FAM13C: variants seen among roughly 807,000 people sequenced by gnomAD.
FAM13C encodes the protein family with sequence similarity 13 member C.
Under a neutral mutation model 73.2 loss-of-function variants are expected in FAM13C, and 37 were observed. That is an observed-to-expected ratio of 0.51 (90% CI 0.39 to 0.67). The LOEUF is 0.67. Ranked by LOEUF, FAM13C falls within the 30% of genes least tolerant of loss-of-function variation. The pLI is 0.00. For synonymous variants in FAM13C, 246 were observed against 260.9 expected, an observed-to-expected ratio of 0.94 and a Z score of 0.55; for missense variants, 589 against 715.6, an observed-to-expected ratio of 0.82 and a Z score of 2.02.
chr10:59,291,955 A>T (rs2133782406), intron 5 of FAM13C, among the ~76,000 whole-genome samples: 1 of 151,876 alleles, frequency 6.6e-6, no homozygotes, highest in Non-Finnish European at 1.5e-5. Flanking sequence ...CGCCTGGCGA[A>T]TTTTTTATAT....
intron 4 of FAM13C, among the ~76,000 whole-genome samples, chr10:59,319,027 T>G (rs1212499249): frequency 2.0e-5 from 3 of 151,004 alleles, no homozygotes; most frequent in Non-Finnish European, 4.4e-5. Flanking sequence ...AAGACTCTGC[T>G]TACGTCTATG....
At chr10:59,342,489 C>T (rs1589688762) in intron 3 of FAM13C, among the ~76,000 whole-genome samples, 2 of 152,140 alleles carry the variant, frequency 1.3e-5, no homozygotes, top group Admixed American at 6.5e-5. Context: ...CCAGAGTTAG[C>T]AGATAAAAAC....
chr10:59,295,217 T>C (rs1846756521), intron 5 of FAM13C, among the ~76,000 whole-genome samples: 2 of 152,220 alleles, frequency 1.3e-5, no homozygotes, highest in Admixed American at 1.3e-4. Context: ...TATGAAGAGA[T>C]TTGCAAATGT....
At chr10:59,260,894 T>C (rs1842438861) in intron 10 of FAM13C, among the ~76,000 whole-genome samples, 1 of 152,214 alleles carries the variant, frequency 6.6e-6, no homozygotes, top group Non-Finnish European at 1.5e-5. Flanking sequence ...ATTTTACAGA[T>C]GAGGAAGTTG....
chr10:59,266,967 G>A (rs528150986), intron 8 of FAM13C, among the ~76,000 whole-genome samples: 1 of 152,180 alleles, frequency 6.6e-6, no homozygotes, highest in African/African-American at 2.4e-5. Context: ...TAAGCATTAT[G>A]TATGTACTTC....
chr10:59,352,788 C>G (rs752031928), intron 2 of FAM13C, among the ~76,000 whole-genome samples: 7 of 152,174 alleles, frequency 4.6e-5, no homozygotes, highest in Non-Finnish European at 1.0e-4. Context: ...ATTTCCCTCT[C>G]ACAACAGTAA....
chr10:59,361,552 A>T (rs1380407452), intron 1 of FAM13C, among the ~76,000 whole-genome samples: 5 of 152,136 alleles, frequency 3.3e-5, no homozygotes, highest in Admixed American at 3.3e-4. Flanking sequence ...AAGGTCCCAG[A>T]AGTAAACATC....
At chr10:59,307,280 AT>A (rs1183089804) in intron 4 of FAM13C, among the ~76,000 whole-genome samples, 2 of 152,134 alleles carry the variant, frequency 1.3e-5, no homozygotes, top group African/African-American at 4.8e-5. Flanking sequence ...AGATAAGGTC[AT>A]GTGGGCAGAT....
intron 3 of FAM13C, among the ~76,000 whole-genome samples, chr10:59,333,008 T>TTTATTTAC (rs57556314): frequency 0.35 from 53,256 of 151,462 alleles, 9,658 homozygotes; most frequent in East Asian, 0.46. Context: ...TATTTATTTA[T>TTTATTTAC]TCATTTATTG....
chr10:59,264,842 G>A (rs1213742743), intron 8 of FAM13C, among the ~76,000 whole-genome samples: 1 of 152,052 alleles, frequency 6.6e-6, no homozygotes, highest in African/African-American at 2.4e-5. Context: ...TCTTAAACAA[G>A]TCAAGGCTAC....
At chr10:59,315,519 T>C (rs938883268) in intron 4 of FAM13C, among the ~76,000 whole-genome samples, 2 of 152,096 alleles carry the variant, frequency 1.3e-5, no homozygotes, top group African/African-American at 4.8e-5. Context: ...CTGGGGGCTA[T>C]TTGTGATTAT....
chr10:59,352,492 C>A lies in FAM13C; in HGVS notation c.120-18G>T. On this transcript the variant is annotated intron_variant, in intron 2 of 13. Transcript: ENST00000618804. ...TTTCATCTCTAAAACAGGAAAGACC[C>A]AATTTAGAAAGTACCTTAAAAAAAG... The A allele has an allele frequency of 6.3e-7, 1 of 1,577,082 alleles. No individual in the cohort carries two copies. Among genetic ancestry groups the A allele is most frequent in the East Asian group, 2.3e-5 (1 of 44,156 alleles).
chr10:59,334,288 A>G (rs1434291657), intron 3 of FAM13C, among the ~76,000 whole-genome samples: 1 of 152,200 alleles, frequency 6.6e-6, no homozygotes, highest in Non-Finnish European at 1.5e-5. Context: ...GCAAATCCTG[A>G]CAAGAAAATT....
chr10:59,274,558 C>A (rs989078610), intron 6 of FAM13C, among the ~76,000 whole-genome samples: 5 of 152,250 alleles, frequency 3.3e-5, no homozygotes, highest in Admixed American at 1.3e-4. Context: ...AAATTTGTCA[C>A]CCTGAAAACA....
chr10:59,309,921 T>C (rs1180896424), intron 4 of FAM13C, among the ~76,000 whole-genome samples: 1 of 152,074 alleles, frequency 6.6e-6, no homozygotes, highest in Admixed American at 6.5e-5. Context: ...GTGTGTAAAG[T>C]AATGATAACT....
At chr10:59,357,981 C>T (rs1855925702) in intron 1 of FAM13C, among the ~76,000 whole-genome samples, 1 of 152,102 alleles carries the variant, frequency 6.6e-6, no homozygotes, top group African/African-American at 2.4e-5. Flanking sequence ...TGAATCCAGT[C>T]CTCTTCCCTT....
chr10:59,349,364 G>C (rs1854725553), intron 3 of FAM13C, among the ~76,000 whole-genome samples: 1 of 152,210 alleles, frequency 6.6e-6, no homozygotes, highest in Non-Finnish European at 1.5e-5. Context: ...CTTGGATACA[G>C]GCATCTGATG....
chr10:59,249,975 C>T lies in FAM13C; in HGVS notation c.1634+1600G>A, dbSNP rs150436075. Reference sequence around the variant, plus strand: ...CACTGGGAAGTTCTCAAACCCCTTACGATAGATTCCTGAGTTCAAATTGCT... The same window carrying T: ...CACTGGGAAGTTCTCAAACCCCTTATGATAGATTCCTGAGTTCAAATTGCT... On this transcript the variant is annotated intron_variant, in intron 13 of 13. Transcript: ENST00000618804. Among the ~76,000 whole-genome samples, 607 of 152,262 alleles carry T rather than the reference C, an allele frequency of 4.0e-3. 6 individuals are homozygous for T. Among genetic ancestry groups the T allele is most frequent in the Non-Finnish European group, 6.9e-3 (467 of 67,990 alleles).
chr10:59,312,838 A>T (rs1368124996), intron 4 of FAM13C, among the ~76,000 whole-genome samples: 1 of 152,158 alleles, frequency 6.6e-6, no homozygotes, highest in Middle Eastern at 3.2e-3. Context: ...GACTCAGTTA[A>T]GTTTGGCAAG....
Sources: gnomAD v4.1 joint callset for allele counts (sites outside exome capture counted in the v4.1 genomes callset) on GRCh38, gnomAD v4.1.1 for gene constraint, MANE v1.5 for transcripts, NCBI Gene and HGNC (gene_info 2026-07-23, HGNC 2026-07-21) for gene names.